Variants in TPD52 observed in about 807,000 individuals in gnomAD.
The protein encoded by TPD52 is prostate and colon associated protein.
A neutral mutation model predicts 31.3 loss-of-function variants in TPD52; 17 were observed. The observed-to-expected ratio is 0.54, with a 90% CI of 0.37 to 0.82. The LOEUF is 0.82. Ranked by LOEUF, TPD52 falls within the 40% of genes least tolerant of loss-of-function variation. The pLI is 0.00. For synonymous variants in TPD52, 83 were observed against 89.6 expected, an observed-to-expected ratio of 0.93 and a Z score of 0.42; for missense variants, 212 against 240.1, an observed-to-expected ratio of 0.88 and a Z score of 0.77.
At chr8:80,062,839 T>C (rs1015851436) in intron 2 of TPD52, among the ~76,000 whole-genome samples, 1 of 152,074 alleles carries the variant, frequency 6.6e-6, no homozygotes, top group Non-Finnish European at 1.5e-5. Context: ...CATAATGGCA[T>C]GTACCTGGAG....
rs58864911 is a variant in TPD52, at chr8:80,086,877, C to CAAAA, written c.20-22288_20-22285dup. Reference sequence around the variant, plus strand: ...CAACAAGAGTGAGACGCTGTCTCAACAAAAAAAAAAAAAAAAAAAAAAAAA... The same window carrying CAAAA: ...CAACAAGAGTGAGACGCTGTCTCAACAAAAAAAAAAAAAAAAAAAAAAAAAAAAA... On this transcript the variant is annotated intron_variant, in intron 1 of 7. Coordinates refer to ENST00000518937, the MANE Select transcript of TPD52 (RefSeq NM_001025253.3). Among the ~76,000 whole-genome samples, 400 of 76,594 alleles carry CAAAA rather than the reference C, an allele frequency of 5.2e-3. 9 individuals are homozygous for CAAAA. Among genetic ancestry groups the CAAAA allele is most frequent in the Non-Finnish European group, 6.8e-3 (286 of 41,788 alleles). The allele number at this position is 76,594 out of a possible 152,430, so 50.2% of individuals were successfully genotyped here. A position where few individuals can be genotyped will look rare whatever the true frequency, so the allele number is the denominator to read the frequency against.
intron 1 of TPD52, among the ~76,000 whole-genome samples, chr8:80,124,627 T>C (rs1305481383): frequency 1.3e-5 from 2 of 152,206 alleles, no homozygotes; most frequent in East Asian, 3.9e-4. Flanking sequence ...ATTGATAGTG[T>C]CTTAAATTAG....
chr8:80,040,637 G>T (rs1032778856), intron 7 of TPD52, among the ~76,000 whole-genome samples: 1 of 152,102 alleles, frequency 6.6e-6, no homozygotes, highest in African/African-American at 2.4e-5. Context: ...CATGTCCAAT[G>T]TCAAAAACAC....
chr8:80,099,190 T>A (rs1390843393), intron 1 of TPD52, among the ~76,000 whole-genome samples: 1 of 152,184 alleles, frequency 6.6e-6, no homozygotes, highest in African/African-American at 2.4e-5. Context: ...GCTTTAATTA[T>A]GGCTGTCTGG....
chr8:80,169,723 T>TC (rs1399026552), intron 1 of TPD52, among the ~76,000 whole-genome samples: 6 of 152,132 alleles, frequency 3.9e-5, no homozygotes, highest in African/African-American at 1.4e-4. Flanking sequence ...TCGTCATGTC[T>TC]CCCCCGTCCT....
At chr8:80,131,941 T>C (rs1809047362) in intron 1 of TPD52, among the ~76,000 whole-genome samples, 2 of 152,088 alleles carry the variant, frequency 1.3e-5, no homozygotes, top group South Asian at 4.2e-4. Context: ...TCCTACTGAT[T>C]AGATGTATGA....
chr8:80,148,796 TGAA>T (rs1202442795), intron 1 of TPD52, among the ~76,000 whole-genome samples: 3 of 152,192 alleles, frequency 2.0e-5, no homozygotes, highest in African/African-American at 7.2e-5. Flanking sequence ...AGCCCATGCT[TGAA>T]GACTGAAGAA....
At chr8:80,052,143 G>A (rs1395811923) in intron 3 of TPD52, among the ~76,000 whole-genome samples, 1 of 152,146 alleles carries the variant, frequency 6.6e-6, no homozygotes, top group Non-Finnish European at 1.5e-5. Flanking sequence ...ATTTTTGCAT[G>A]TCTTTAGAGA....
intron 5 of TPD52, among the ~76,000 whole-genome samples, chr8:80,045,998 ATAAG>A (rs1269658607): frequency 5.9e-5 from 9 of 152,192 alleles, no homozygotes; most frequent in Non-Finnish European, 1.3e-4. Context: ...AAACAGGTGG[ATAAG>A]TAAGTGCAAA....
In TPD52 at chr8:80,136,449, G is replaced by A. The variant is rs1417847013; in HGVS notation, c.19+34976C>T. On this transcript the variant is annotated intron_variant, in intron 1 of 7. Coordinates refer to ENST00000518937, the MANE Select transcript of TPD52 (RefSeq NM_001025253.3). ...TGAGGCAGGAGAATGGCAGGAACCCGGGAAGCAGAGCTTGCAGTGAGCTGA... is the reference window on the plus strand; with the variant it reads ...TGAGGCAGGAGAATGGCAGGAACCCAGGAAGCAGAGCTTGCAGTGAGCTGA... Among the ~76,000 whole-genome samples the A allele has an allele frequency of 4.2e-5, 6 of 143,760 alleles. No homozygotes were observed. The South Asian group carries it at 8.9e-4, about 21-fold the overall frequency. 94.3% of individuals were successfully genotyped at this position (143,760 alleles called of 152,430 possible).
chr8:80,128,978 AG>A (rs1047861995), intron 1 of TPD52, among the ~76,000 whole-genome samples: 4 of 152,036 alleles, frequency 2.6e-5, no homozygotes, highest in African/African-American at 7.2e-5. Flanking sequence ...ATAAATTACA[AG>A]ATTTTTAAAA....
At chr8:80,101,864 A>G (rs1806768894) in intron 1 of TPD52, among the ~76,000 whole-genome samples, 2 of 152,194 alleles carry the variant, frequency 1.3e-5, no homozygotes, top group African/African-American at 4.8e-5. Flanking sequence ...ACATTCCAAC[A>G]TGAGATTTGG....
chr8:80,127,071 T>C (rs1482106666), intron 1 of TPD52, among the ~76,000 whole-genome samples: 3 of 151,600 alleles, frequency 2.0e-5, no homozygotes. Flanking sequence ...ATCATGCCAC[T>C]GTATTCTAGA....
In TPD52 at chr8:80,035,657, T is replaced by G. The variant is rs1179754752; in HGVS notation, c.*2459A>C. 6.6e-6 allele frequency: 1 copy of G among 152,244 alleles called. No individual in the cohort carries two copies. Among genetic ancestry groups the G allele is most frequent in the Non-Finnish European group, 1.5e-5 (1 of 68,042 alleles). The allele number at this position is 152,244 out of a possible 1,614,324, so 9.4% of individuals were successfully genotyped here. A position where few individuals can be genotyped will look rare whatever the true frequency, so the allele number is the denominator to read the frequency against. ...GTGATAATCCAGTTTTGAGCTCTAC[T>G]CTCTTCCACTGACTACTTGGCTCTC... On this transcript the variant is annotated 3_prime_UTR_variant, in exon 8 of 8. Transcript: ENST00000518937.
chr8:80,054,512 T>C (rs1173880082), intron 2 of TPD52, among the ~76,000 whole-genome samples: 1 of 152,084 alleles, frequency 6.6e-6, no homozygotes, highest in African/African-American at 2.4e-5. Flanking sequence ...GTATATCCAT[T>C]AACATTCAAG....
chr8:80,052,659 C>G, intron 3 of TPD52: 1 of 1,289,150 alleles, frequency 7.8e-7, no homozygotes, highest in Non-Finnish European at 1.0e-6. Flanking sequence ...GTTTCTGCTG[C>G]TAGAAGCTTG....
At chr8:80,075,581 T>C (rs548365386) in intron 1 of TPD52, among the ~76,000 whole-genome samples, 1 of 151,748 alleles carries the variant, frequency 6.6e-6, no homozygotes, top group African/African-American at 2.4e-5. Context: ...ATCTCTTTCA[T>C]TTTTTTTTAA....
chr8:80,095,861 T>A (rs528349929), intron 1 of TPD52, among the ~76,000 whole-genome samples: 3 of 152,232 alleles, frequency 2.0e-5, no homozygotes, highest in African/African-American at 7.2e-5. Flanking sequence ...GGCAGGAGAA[T>A]CGCTTGAACC....
intron 1 of TPD52, among the ~76,000 whole-genome samples, chr8:80,151,741 C>A (rs1810581283): frequency 6.6e-6 from 1 of 152,104 alleles, no homozygotes; most frequent in Non-Finnish European, 1.5e-5. Context: ...ATAAAAGGCA[C>A]TGTTCTGACA....
Sources: gnomAD v4.1 joint callset for allele counts (sites outside exome capture counted in the v4.1 genomes callset) on GRCh38, gnomAD v4.1.1 for gene constraint, MANE v1.5 for transcripts, NCBI Gene and HGNC (gene_info 2026-07-23, HGNC 2026-07-21) for gene names.